Variants in ITPKB observed in about 807,000 individuals in gnomAD.
ITPKB encodes IP3 3-kinase B.
A neutral mutation model predicts 69.4 loss-of-function variants in ITPKB; 13 were observed. The ratio of observed to expected loss-of-function variants is 0.19; its 90% CI spans 0.12 to 0.30. The LOEUF is 0.30. ITPKB is among the 10% of genes least tolerant of loss of function. The pLI is 1.00. For synonymous variants in ITPKB, 584 were observed against 513.7 expected, an observed-to-expected ratio of 1.14 and a Z score of -1.85; for missense variants, 1,240 against 1,250.5, an observed-to-expected ratio of 0.99 and a Z score of 0.13.
Position 226,634,750 on chromosome 1 carries a change from C to T in ITPKB, c.2762G>A (p.Arg921Gln), listed in dbSNP as rs1454296913. The change falls in exon 8 of 8, where the codon CGG (arginine) becomes CAG (glutamine). Residue 921 changes from arginine to glutamine, a missense_variant. By Grantham distance (43) the Arg-to-Gln change is conservative (BLOSUM62 1). Around this residue, in one of 2 missense-constraint regions of ITPKB, gnomAD observed 248 missense variants for 396.7 expected, o/e 0.63. Coordinates refer to ENST00000429204, the MANE Select transcript of ITPKB (RefSeq NM_002221.4). This position sits in a 1 kb window ranked among gnomAD's most constrained non-coding sequence, Gnocchi z 6.3. ...QHDVPWQEGNREDGYLSGLNN... is the reference protein window; with the variant it reads ...QHDVPWQEGNQEDGYLSGLNN... Reference sequence around the variant, plus strand: ...GAGCCCCGAGAGGTAGCCATCCTCCCGGTTCCCCTCCTGCCAGGGGACGTC... The same window carrying T: ...GAGCCCCGAGAGGTAGCCATCCTCCTGGTTCCCCTCCTGCCAGGGGACGTC... 3 of 1,302,324 alleles carry T rather than the reference C, an allele frequency of 2.3e-6. No homozygotes were observed. The highest frequency in any genetic ancestry group is 1.7e-5 in the Admixed American group (1 of 59,616). 80.7% of individuals were successfully genotyped at this position (1,302,324 alleles called of 1,614,324 possible). A position where few individuals can be genotyped will look rare whatever the true frequency, so the allele number is the denominator to read the frequency against.
intron 2 of ITPKB, among the ~76,000 whole-genome samples, chr1:226,677,328 C>A (rs939426399): frequency 6.6e-6 from 1 of 152,214 alleles, no homozygotes; most frequent in Non-Finnish European, 1.5e-5. Context: ...AGGCACGATG[C>A]CACCAGGGCT....
intron 2 of ITPKB, among the ~76,000 whole-genome samples, chr1:226,680,632 G>A (rs748171335): frequency 5.9e-5 from 9 of 152,200 alleles, no homozygotes; most frequent in Non-Finnish European, 8.8e-5. Context: ...CAGCAAGGGC[G>A]TTTGGAAAGA....
chr1:226,669,108 G>A (rs751175823), intron 2 of ITPKB: 5 of 151,978 alleles, frequency 3.3e-5, no homozygotes, highest in Admixed American at 2.6e-4. Flanking sequence ...ATAGAAGAGG[G>A]GAGTATTTTA....
At chr1:226,711,413 G>C (rs977124040) in intron 2 of ITPKB, among the ~76,000 whole-genome samples, 21 of 96,140 alleles carry the variant, frequency 2.2e-4, no homozygotes, top group African/African-American at 9.4e-4. Context: ...GAAAGAGAGA[G>C]AGAGAGAGAG....
chr1:226,660,110 G>C (rs1359735736), intron 2 of ITPKB, among the ~76,000 whole-genome samples: 1 of 152,234 alleles, frequency 6.6e-6, no homozygotes, highest in Admixed American at 6.5e-5. Flanking sequence ...CTGGCAGCCT[G>C]GCTGGCCCCA....
chr1:226,648,936 T>C (rs1669116554), intron 2 of ITPKB, among the ~76,000 whole-genome samples, 165 bp from the exon 3 acceptor site: 1 of 152,114 alleles, frequency 6.6e-6, no homozygotes, highest in Non-Finnish European at 1.5e-5. Flanking sequence ...CGGCACATGG[T>C]GGGAGGTGGC....
intron 4 of ITPKB, among the ~76,000 whole-genome samples, chr1:226,643,803 G>A (rs1438506263): frequency 2.7e-5 from 4 of 150,656 alleles, no homozygotes; most frequent in South Asian, 2.1e-4. Flanking sequence ...AACCATGTGC[G>A]CACATACACA....
chr1:226,717,447 C>T (rs1657122319), intron 2 of ITPKB, among the ~76,000 whole-genome samples: 2 of 152,090 alleles, frequency 1.3e-5, no homozygotes, highest in Non-Finnish European at 2.9e-5. Context: ...AAAGCACAGG[C>T]CCAGGCTGCA....
At chr1:226,713,240 A>C (rs1187026816) in intron 2 of ITPKB, among the ~76,000 whole-genome samples, 1 of 152,078 alleles carries the variant, frequency 6.6e-6, no homozygotes, top group Non-Finnish European at 1.5e-5. Context: ...ACGGCTACTA[A>C]TTCTGCCTTC....
intron 2 of ITPKB, among the ~76,000 whole-genome samples, chr1:226,728,977 G>T (rs181830781): frequency 1.3e-5 from 2 of 152,262 alleles, no homozygotes; most frequent in African/African-American, 2.4e-5. Context: ...AGATAATGCA[G>T]CAGGGATTTT....
chr1:226,712,415 A>G (rs1366357941), intron 2 of ITPKB, among the ~76,000 whole-genome samples: 2 of 152,224 alleles, frequency 1.3e-5, no homozygotes, highest in Non-Finnish European at 2.9e-5. Context: ...TGAATGGACA[A>G]CTGACAAGGT....
chr1:226,736,714 G>T lies in ITPKB; in HGVS notation c.745C>A (p.Gln249Lys), dbSNP rs1657783609. The change falls in exon 2 of 8, where the codon CAG becomes AAG. Residue 249 changes from glutamine (Q) to lysine (K), a missense_variant. Coordinates refer to ENST00000429204, the MANE Select transcript of ITPKB (RefSeq NM_002221.4). ...ATCCTTACAAAAGCGGATGGACCCT[G>T]AGCCTCTGATCCTGTAGGGGCAGCC... ...GRAAPTGSEAQGPSAFVRMEK... is the reference protein window; with the variant it reads ...GRAAPTGSEAKGPSAFVRMEK... 2 of 1,612,836 alleles carry T rather than the reference G, an allele frequency of 1.2e-6. No homozygotes were observed. The highest frequency in any genetic ancestry group is 1.7e-6 in the Non-Finnish European group (2 of 1,179,748).
chr1:226,670,194 A>G (rs1360200699), intron 2 of ITPKB, among the ~76,000 whole-genome samples: 1 of 150,836 alleles, frequency 6.6e-6, no homozygotes, highest in Non-Finnish European at 1.5e-5. Flanking sequence ...AAAAAAAAAA[A>G]AAAAAAAAAA....
chr1:226,716,429 A>C (rs1381745356), intron 2 of ITPKB, among the ~76,000 whole-genome samples: 1 of 151,808 alleles, frequency 6.6e-6, no homozygotes, highest in Non-Finnish European at 1.5e-5. Flanking sequence ...TTTTATTTGA[A>C]GTTCTAGGAT....
rs1363897750 is a variant in ITPKB, at chr1:226,735,849, T to C, written c.1610A>G (p.Gln537Arg). The C allele has an allele frequency of 6.2e-7, 1 of 1,607,208 alleles. No homozygotes were observed. The highest frequency in any genetic ancestry group is 8.5e-7 in the Non-Finnish European group (1 of 1,174,612). Reference protein sequence around the residue: ...QSEGTWESQRQDSDALPSPEL... With the variant: ...QSEGTWESQRRDSDALPSPEL... Reference sequence around the variant, plus strand: ...CGGACTTGGGAGGGCATCACTGTCCTGCCGCTGGCTTTCCCAAGTCCCCTC... The same window carrying C: ...CGGACTTGGGAGGGCATCACTGTCCCGCCGCTGGCTTTCCCAAGTCCCCTC... The change falls in exon 2 of 8, where the codon CAG (glutamine) becomes CGG (arginine). Residue 537 changes from glutamine (Q) to arginine (R), a missense_variant. By Grantham distance (43) the Gln-to-Arg change is conservative. Around this residue, in one of 2 missense-constraint regions of ITPKB, gnomAD observed 992 missense variants for 853.8 expected, o/e 1.16. Coordinates refer to ENST00000429204, the MANE Select transcript of ITPKB (RefSeq NM_002221.4).
chr1:226,638,300 G>C (rs1055357328), intron 6 of ITPKB, among the ~76,000 whole-genome samples: 3 of 152,228 alleles, frequency 2.0e-5, no homozygotes, highest in African/African-American at 7.2e-5. Flanking sequence ...CTTGGGCTAC[G>C]AAAGAGTCAG....
chr1:226,674,252 G>T lies in ITPKB; in HGVS notation c.1933-25481C>A, dbSNP rs576992075. Among the ~76,000 whole-genome samples, 255 of 152,070 alleles carry T rather than the reference G, an allele frequency of 1.7e-3. 2 individuals are homozygous for T. Among genetic ancestry groups the T allele is most frequent in the African/African-American group, 6.0e-3 (248 of 41,476 alleles). ...AGTCTCACTGTTGCCCAGGCTGGAG[G>T]GCAGTGGCACCATCTCGGCTCACTG... is the stretch of plus-strand genomic sequence containing the variant. On this transcript the variant is annotated intron_variant, in intron 2 of 7. Transcript: ENST00000429204.
chr1:226,640,039 CCCTGGA>C (rs1462178114), intron 5 of ITPKB, among the ~76,000 whole-genome samples: 2 of 152,120 alleles, frequency 1.3e-5, no homozygotes, highest in Non-Finnish European at 2.9e-5. Context: ...GGGGCCCGGG[CCCTGGA>C]ACCGGTGCCC....
chr1:226,708,537 G>A (rs1236558316), intron 2 of ITPKB, among the ~76,000 whole-genome samples: 1 of 152,140 alleles, frequency 6.6e-6, no homozygotes, highest in African/African-American at 2.4e-5. Flanking sequence ...AAGATGTCTC[G>A]GCCTTAGACA....
Sources: allele counts gnomAD v4.1 joint callset (sites outside exome capture counted in the v4.1 genomes callset), GRCh38; gene constraint gnomAD v4.1.1; regional missense constraint gnomAD v4.1.1; non-coding constraint Gnocchi (gnomAD v3.1); transcripts MANE v1.5; gene names NCBI Gene and HGNC (gene_info 2026-07-23, HGNC 2026-07-21).